The following OPCML variants were observed in gnomAD, a reference collection of about 807,000 sequenced individuals.
OPCML encodes opioid binding protein/cell adhesion molecule like.
A neutral mutation model predicts 37.8 loss-of-function variants in OPCML; 13 were observed. That is an observed-to-expected ratio of 0.34 (90% CI 0.22 to 0.55). OPCML has a LOEUF of 0.55. OPCML is among the 20% of genes least tolerant of loss of function. OPCML has a pLI of 0.91. For synonymous variants in OPCML, 176 were observed against 168.8 expected (o/e 1.04, Z -0.33); for missense variants, 341 against 435.6 (o/e 0.78, Z 1.93).
intron 4 of OPCML, among the ~76,000 whole-genome samples, chr11:132,483,330 A>G (rs888033145): frequency 6.6e-6 from 1 of 151,682 alleles, no homozygotes; most frequent in Non-Finnish European, 1.5e-5. Flanking sequence ...CTTGAAAGAG[A>G]ATAAAATACC....
intron 4 of OPCML, among the ~76,000 whole-genome samples, chr11:132,453,105 G>T (rs377502177): frequency 6.6e-6 from 1 of 152,174 alleles, no homozygotes; most frequent in East Asian, 1.9e-4. Flanking sequence ...TGACTTTAGG[G>T]TCTTTGTTAG....
At chr11:132,773,067 A>G (rs1946696547) in intron 2 of OPCML, 1 of 152,120 alleles carries the variant, frequency 6.6e-6, no homozygotes, top group Non-Finnish European at 1.5e-5. Context: ...AGGGGCAGAG[A>G]CCTAGGGAGG....
chr11:132,944,134 CGCGCCAGCGGAGAGAACGCG>C (rs907352359), intron 1 of OPCML, among the ~76,000 whole-genome samples: 2 of 151,758 alleles, frequency 1.3e-5, no homozygotes, highest in Non-Finnish European at 2.9e-5. Flanking sequence ...TCCCGACACC[CGCGCCAGCGGAGAGAACGCG>C]GCGCCCCTCG....
chr11:133,266,178 G>A (rs1941652433), intron 1 of OPCML, among the ~76,000 whole-genome samples: 1 of 152,144 alleles, frequency 6.6e-6, no homozygotes, highest in Non-Finnish European at 1.5e-5. Flanking sequence ...CTTTATGCAA[G>A]AACCAGGACT....
At chr11:133,237,953 C>G (rs1940584484) in intron 1 of OPCML, among the ~76,000 whole-genome samples, 1 of 152,214 alleles carries the variant, frequency 6.6e-6, no homozygotes, top group Non-Finnish European at 1.5e-5. Context: ...TTATTACATG[C>G]TAGTCACTGC....
At position 132,645,012 on chromosome 11, in the gene OPCML, G is replaced by A. The variant is rs77665384; in HGVS notation, c.379+12075C>T. ...ATTAATGTCTGCTTACTGGCCAATC[G>A]GAGCACATAATCCATCCCATTAAAT... On this transcript the variant is annotated intron_variant, in intron 3 of 7. Transcript: ENST00000524381. 1.0e-3 allele frequency among the ~76,000 whole-genome samples: 156 copies of A among 152,268 alleles called. 2 individuals are homozygous for A. In the East Asian group the frequency reaches 0.021, roughly 21 times the overall value.
At chr11:132,554,487 G>A (rs1055521548) in intron 3 of OPCML, among the ~76,000 whole-genome samples, 5 of 152,166 alleles carry the variant, frequency 3.3e-5, no homozygotes, top group Non-Finnish European at 5.9e-5. Flanking sequence ...GAGCATCAGG[G>A]ACACACTTGT....
intron 1 of OPCML, among the ~76,000 whole-genome samples, chr11:133,363,784 C>T (rs1259048400): frequency 2.0e-5 from 3 of 152,144 alleles, no homozygotes; most frequent in Admixed American, 2.0e-4. Flanking sequence ...GTATCCCAAG[C>T]CGAGCAAAAG....
At chr11:132,831,722 C>T (rs530559831) in intron 2 of OPCML, among the ~76,000 whole-genome samples, 1 of 149,560 alleles carries the variant, frequency 6.7e-6, no homozygotes, top group Non-Finnish European at 1.5e-5. Context: ...ACTCTTCCCC[C>T]TTTTCTTCCC....
chr11:133,193,502 C>A (rs756080077), intron 1 of OPCML, among the ~76,000 whole-genome samples: 1 of 152,156 alleles, frequency 6.6e-6, no homozygotes, highest in African/African-American at 2.4e-5. Flanking sequence ...ATTCGAAATG[C>A]CACAGGAGTT....
At position 133,419,060 on chromosome 11, in the gene OPCML, A is replaced by G. The variant is rs1177389118; in HGVS notation, c.61+113204T>C. ...TCCCTAGCCCCCTGCCCACCAAACT[A>G]TCCTTGAGAAATCCTAACCTTCACC... On this transcript the variant is annotated intron_variant, in intron 1 of 7. Coordinates refer to ENST00000524381, the MANE Select transcript of OPCML (RefSeq NM_001012393.5). 2.0e-5 allele frequency among the ~76,000 whole-genome samples: 3 copies of G among 152,142 alleles called. No individual in the cohort carries two copies. In the East Asian group the frequency reaches 5.8e-4, roughly 29 times the overall value.
intron 2 of OPCML, among the ~76,000 whole-genome samples, chr11:132,765,756 T>G (rs921688430): frequency 2.6e-5 from 4 of 152,188 alleles, no homozygotes; most frequent in Non-Finnish European, 5.9e-5. Flanking sequence ...GTCTCCCTAT[T>G]TCTGCTTTCT....
chr11:132,885,621 T>TA (rs1354807385), intron 2 of OPCML, among the ~76,000 whole-genome samples: 2 of 152,130 alleles, frequency 1.3e-5, no homozygotes, highest in Non-Finnish European at 2.9e-5. Context: ...TCTCAAATAT[T>TA]AAAAAAATAA....
At chr11:133,455,778 A>G (rs1203242448) in intron 1 of OPCML, among the ~76,000 whole-genome samples, 2 of 152,192 alleles carry the variant, frequency 1.3e-5, no homozygotes, top group African/African-American at 4.8e-5. Context: ...ATGACTTTAT[A>G]TGAGCTCTGA....
intron 2 of OPCML, among the ~76,000 whole-genome samples, chr11:132,856,201 G>T (rs1942047897): frequency 6.6e-6 from 1 of 152,150 alleles, no homozygotes; most frequent in Non-Finnish European, 1.5e-5. Flanking sequence ...GTTTCAGCAA[G>T]TATCACAAAA....
Position 132,425,680 on chromosome 11 carries a change from A to G in OPCML, c.917-5387T>C, listed in dbSNP as rs368176127. ...CTTTTAAAGAAAGAGGTGTTCTAGA[A>G]TACTAGGTTCTCAAAGGTTACTCTC... On this transcript the variant is annotated intron_variant, in intron 7 of 7. Transcript: ENST00000524381. Among the ~76,000 whole-genome samples, 17 of 152,332 alleles carry G rather than the reference A, an allele frequency of 1.1e-4. No individual in the cohort carries two copies. In the East Asian group the frequency reaches 1.7e-3, roughly 16 times the overall value.
At chr11:132,733,770 G>C (rs576603578) in intron 2 of OPCML, among the ~76,000 whole-genome samples, 12 of 152,296 alleles carry the variant, frequency 7.9e-5, no homozygotes, top group African/African-American at 2.4e-4. Flanking sequence ...TGCTGAGAAA[G>C]AGATGAGATG....
chr11:133,375,032 ACAT>A (rs1253678616), intron 1 of OPCML, among the ~76,000 whole-genome samples: 1 of 152,182 alleles, frequency 6.6e-6, no homozygotes, highest in Non-Finnish European at 1.5e-5. Flanking sequence ...CTGTTGGTAG[ACAT>A]CATATTTGTC....
chr11:133,262,373 A>G (rs548498580), intron 1 of OPCML, among the ~76,000 whole-genome samples: 1 of 152,340 alleles, frequency 6.6e-6, no homozygotes, highest in Non-Finnish European at 1.5e-5. Flanking sequence ...TTATCATGTA[A>G]TGTGCGGAGC....
Sources: allele counts gnomAD v4.1 joint callset (sites outside exome capture counted in the v4.1 genomes callset), GRCh38; gene constraint gnomAD v4.1.1; transcripts MANE v1.5; gene names NCBI Gene and HGNC (gene_info 2026-07-23, HGNC 2026-07-21).